The following VARS1 variants were observed in gnomAD, a reference collection of about 807,000 sequenced individuals.
VARS1 encodes valine--tRNA ligase.
VARS1 carries 92 observed loss-of-function variants against 161.0 expected under a neutral mutation model. The observed-to-expected ratio is 0.57, with a 90% CI of 0.48 to 0.68. The LOEUF (loss-of-function observed/expected upper bound fraction) is 0.68. Among genes scored for constraint, VARS1 ranks in the 30% least tolerant of loss-of-function variants. VARS1 has a pLI of 0.00. For synonymous variants in VARS1, 595 were observed against 682.5 expected (o/e 0.87, Z 2.00); for missense variants, 1,338 against 1,695.9 (o/e 0.79, Z 3.71).
chr6:31,795,404 C>T lies in VARS1; in HGVS notation c.-34+142G>A, dbSNP rs919696355. The T allele has an allele frequency of 1.1e-5, 5 of 443,286 alleles. No homozygotes were observed. The highest frequency in any genetic ancestry group is 1.9e-5 in the Non-Finnish European group (5 of 266,610). The allele number at this position is 443,286 out of a possible 1,614,324, so 27.5% of individuals were successfully genotyped here. On this transcript the variant is annotated intron_variant, in intron 1 of 29. Transcript: ENST00000375663. This position sits in a 1 kb window ranked among gnomAD's most constrained non-coding sequence, Gnocchi z 6.9. ...AGGCAGGCTGTCAGGAGCCGAGGACCTGGCTCTCAGAGGGGCAGTGTCAGT... is the reference window on the plus strand; with the variant it reads ...AGGCAGGCTGTCAGGAGCCGAGGACTTGGCTCTCAGAGGGGCAGTGTCAGT...
intron 8 of VARS1, among the ~76,000 whole-genome samples, chr6:31,790,941 G>A (rs901989264): frequency 6.6e-6 from 1 of 152,128 alleles, no homozygotes; most frequent in Admixed American, 6.6e-5. Flanking sequence ...AGTAGGTGTG[G>A]AGGGGGATGG....
In VARS1 at chr6:31,780,213, G is replaced by A. The variant is rs1441630522; in HGVS notation, c.2926-60C>T. 2 of 1,598,812 alleles carry A rather than the reference G, an allele frequency of 1.3e-6. No homozygotes were observed. Among genetic ancestry groups the A allele is most frequent in the South Asian group, 1.1e-5 (1 of 90,378 alleles). On this transcript the variant is annotated intron_variant, in intron 25 of 29. Transcript: ENST00000375663. The surrounding 1 kb of genome is among the most constrained non-coding windows in gnomAD (Gnocchi z 5.1). ...GGGGAGGGTGCCAGAACCCCATGGGGGCAGGAGTCATGGGCAAATCTTCAT... is the reference window on the plus strand; with the variant it reads ...GGGGAGGGTGCCAGAACCCCATGGGAGCAGGAGTCATGGGCAAATCTTCAT...
At chr6:31,786,699 A>C in intron 8 of VARS1, among the ~76,000 whole-genome samples, 1 of 150,098 alleles carries the variant, frequency 6.7e-6, no homozygotes. Flanking sequence ...AAAAGAACGA[A>C]GAGGAGGCTC....
rs1463928660 is a variant in VARS1, at chr6:31,779,811, A to G, written c.3085T>C (p.Cys1029Arg). 2 of 1,612,586 alleles carry G rather than the reference A, an allele frequency of 1.2e-6. No homozygotes were observed. ...LYELCDVYLE[C>R]LKPVLNGVDQ... The stretch of plus-strand genomic sequence containing the variant: ...ACCCCATTCAGTACAGGTTTCAGGC[A>G]CTCCTAGGGGACGAGAGGTACAGGG... The change falls in exon 27 of 30, where the codon TGC becomes CGC. Residue 1029 changes from cysteine to arginine, a missense_variant. Physicochemically the swap from Cys to Arg is radical, Grantham distance 180 (BLOSUM62 -3). Transcript: ENST00000375663. The surrounding 1 kb of genome is among the most constrained non-coding windows in gnomAD (Gnocchi z 9.1).
chr6:31,790,542 C>T (rs1040937388), intron 8 of VARS1, among the ~76,000 whole-genome samples: 5 of 120,018 alleles, frequency 4.2e-5, no homozygotes, highest in Non-Finnish European at 6.4e-5. Context: ...GTGGAGGTTG[C>T]GGTGAGCCGA....
At position 31,783,156 on chromosome 6, in the gene VARS1, A is replaced by T; in HGVS notation, c.1702T>A (p.Phe568Ile). 1.9e-6 allele frequency: 3 copies of T among 1,612,828 alleles called. No individual in the cohort carries two copies. The South Asian group carries it at 3.3e-5, about 18-fold the overall frequency. The change falls in exon 14 of 30, where the codon TTC (phenylalanine) becomes ATC (isoleucine). Residue 568 changes from phenylalanine (F) to isoleucine (I), a missense_variant. This residue lies in a region of VARS1 where 902 missense variants were observed against 1,090.3 expected (regional missense o/e 0.83). Coordinates refer to ENST00000375663, the MANE Select transcript of VARS1 (RefSeq NM_006295.3). ...ACAATGGGAAGGCTCCGAGACAGGA[A>T]TGGGTGGATCACGTTCTTCCCCTTC... ...HLKGKNVIHP[F>I]LSRSLPIVFD...
At position 31,784,069 on chromosome 6, in the gene VARS1, C is replaced by T. The variant is rs565480872; in HGVS notation, c.1671+145G>A. ...CCAAACAGTCCCCAATAGCTCTACC[C>T]TCAGAGCTGGGAAAGAAGCTGAAGA... On this transcript the variant is annotated intron_variant, in intron 13 of 29. Coordinates refer to ENST00000375663, the MANE Select transcript of VARS1 (RefSeq NM_006295.3). This position sits in a 1 kb window ranked among gnomAD's most constrained non-coding sequence, Gnocchi z 6.1. 1.7e-5 allele frequency: 15 copies of T among 896,592 alleles called. No homozygotes were observed. In the East Asian group the frequency reaches 2.9e-4, roughly 17 times the overall value. 55.5% of individuals were successfully genotyped at this position (896,592 alleles called of 1,614,324 possible).
rs1228621738 is a variant in VARS1 at position 31,779,247 on chromosome 6, G to A, written c.3446C>T (p.Ala1149Val). Reference sequence around the variant, plus strand: ...CAGGGCCTGCACGTAGCCCGACACCGCCGATGCCAGGGCGCCCGTGGCCTC... The same window carrying A: ...CAGGGCCTGCACGTAGCCCGACACCACCGATGCCAGGGCGCCCGTGGCCTC... ...ADEATGALAS[A>V]VSGYVQALAS... is the part of the protein sequence containing the mutation. The change falls in exon 29 of 30, where the codon GCG becomes GTG. Residue 1149 changes from alanine (A) to valine (V), a missense_variant. Physicochemically the swap from Ala to Val is moderately conservative, Grantham distance 64 (BLOSUM62 0). This residue lies in a region of VARS1 where 433 missense variants were observed against 586.2 expected (regional missense o/e 0.74). Transcript: ENST00000375663. The surrounding 1 kb of genome is among the most constrained non-coding windows in gnomAD (Gnocchi z 9.1). The A allele has an allele frequency of 5.6e-6, 9 of 1,605,076 alleles. No homozygotes were observed. Among genetic ancestry groups the A allele is most frequent in the Non-Finnish European group, 6.8e-6 (8 of 1,179,534 alleles).
In VARS1 at chr6:31,778,181, TA is replaced by T. The variant is rs1201389635; in HGVS notation, c.3727-520del. 1.3e-5 allele frequency: 2 copies of T among 158,730 alleles called. No individual in the cohort carries two copies. Among genetic ancestry groups the T allele is most frequent in the Non-Finnish European group, 2.8e-5 (2 of 71,886 alleles). The allele number at this position is 158,730 out of a possible 1,614,324, so 9.8% of individuals were successfully genotyped here. Reference sequence around the variant, plus strand: ...GACTGGCCTTCCAGGGTCAGCCCAGTAGGCTTGAAAGTAAGTGGTGGGAGGC... The same window carrying T: ...GACTGGCCTTCCAGGGTCAGCCCAGTGGCTTGAAAGTAAGTGGTGGGAGGC... On this transcript the variant is annotated intron_variant, in intron 29 of 29. Transcript: ENST00000375663. The surrounding 1 kb of genome is among the most constrained non-coding windows in gnomAD (Gnocchi z 5.1).
chr6:31,785,477 C>A lies in VARS1; in HGVS notation c.1265+92G>T. 6.6e-7 allele frequency: 1 copy of A among 1,524,990 alleles called. No homozygotes were observed. 94.5% of individuals were successfully genotyped at this position (1,524,990 alleles called of 1,614,324 possible). A position where few individuals can be genotyped will look rare whatever the true frequency, so the allele number is the denominator to read the frequency against. On this transcript the variant is annotated intron_variant, in intron 9 of 29. Transcript: ENST00000375663. The surrounding 1 kb of genome is among the most constrained non-coding windows in gnomAD (Gnocchi z 6.1). ...CTCTGCCTCTGTGGGAGGGTCTGAC[C>A]CTGTGGCCAAGGGGTTACAGGTGAC...
chr6:31,785,382 A>C lies in VARS1; in HGVS notation c.1266-55T>G. 1 of 1,607,016 alleles carries C rather than the reference A, an allele frequency of 6.2e-7. No homozygotes were observed. Among genetic ancestry groups the C allele is most frequent in the Non-Finnish European group, 8.5e-7 (1 of 1,175,660 alleles). ...CGTGCCTGGGCTAGAGGGAGACATC[A>C]GGTGGCTGACTGGGCAGTGTGGAGA... On this transcript the variant is annotated intron_variant, in intron 9 of 29. Transcript: ENST00000375663. This position sits in a 1 kb window ranked among gnomAD's most constrained non-coding sequence, Gnocchi z 6.1.
Position 31,777,784 on chromosome 6 carries a change from C to T in VARS1, c.3727-122G>A, listed in dbSNP as rs1026593931. On this transcript the variant is annotated intron_variant, in intron 29 of 29. Coordinates refer to ENST00000375663, the MANE Select transcript of VARS1 (RefSeq NM_006295.3). This position sits in a 1 kb window ranked among gnomAD's most constrained non-coding sequence, Gnocchi z 5.8. ...TGGGAGGTCAGTAGCTCAGAGGAGGCGTGAACCTGGCTGGCCTGGCTCCCC... is the reference window on the plus strand; with the variant it reads ...TGGGAGGTCAGTAGCTCAGAGGAGGTGTGAACCTGGCTGGCCTGGCTCCCC... 14 of 1,185,420 alleles carry T rather than the reference C, an allele frequency of 1.2e-5. No individual in the cohort carries two copies. Among genetic ancestry groups the T allele is most frequent in the East Asian group, 2.6e-5 (1 of 38,950 alleles). 73.4% of individuals were successfully genotyped at this position (1,185,420 alleles called of 1,614,324 possible). A position where few individuals can be genotyped will look rare whatever the true frequency, so the allele number is the denominator to read the frequency against.
In VARS1 at chr6:31,795,113, T is replaced by C; in HGVS notation, c.105A>G (p.Gly35=). The C allele has an allele frequency of 6.7e-7, 1 of 1,482,284 alleles. No individual in the cohort carries two copies. The highest frequency in any genetic ancestry group is 9.0e-7 in the Non-Finnish European group (1 of 1,114,526). 91.8% of individuals were successfully genotyped at this position (1,482,284 alleles called of 1,614,324 possible). ...GEAGEGPGWG[G]AHPRICLQPP... ...GCTGGAGACAGATGCGGGGGTGGGC[T>C]CCTCCCCATCCGGGACCCTCCCCAG... The change falls in exon 2 of 30, where the codon GGA becomes GGG. Residue 35 remains glycine, a synonymous_variant. Transcript: ENST00000375663. This position sits in a 1 kb window ranked among gnomAD's most constrained non-coding sequence, Gnocchi z 6.9.
intron 8 of VARS1, among the ~76,000 whole-genome samples, chr6:31,787,955 A>G (rs1013738315): frequency 2.0e-5 from 3 of 151,646 alleles, no homozygotes; most frequent in Non-Finnish European, 2.9e-5. Flanking sequence ...CGTCTCTACT[A>G]AAAATACAAA....
chr6:31,781,901 C>T lies in VARS1; in HGVS notation c.2293G>A (p.Glu765Lys). Reference sequence around the variant, plus strand: ...ACTCCGAACTCCTTGGCTGCCTTCTCCCGGGCCTCCGCCTCATTGCGTCCA... The same window carrying T: ...ACTCCGAACTCCTTGGCTGCCTTCTTCCGGGCCTCCGCCTCATTGCGTCCA... ...VSGRNEAEAREKAAKEFGVSP... is the reference protein window; with the variant it reads ...VSGRNEAEARKKAAKEFGVSP... The change falls in exon 19 of 30, where the codon GAG (glutamate) becomes AAG (lysine). Residue 765 changes from glutamate (E) to lysine (K), a missense_variant. Physicochemically the swap from Glu to Lys is moderately conservative, Grantham distance 56 (BLOSUM62 1). Transcript: ENST00000375663. The surrounding 1 kb of genome is among the most constrained non-coding windows in gnomAD (Gnocchi z 6.8). The T allele has an allele frequency of 1.2e-6, 2 of 1,612,964 alleles. No individual in the cohort carries two copies. Among genetic ancestry groups the T allele is most frequent in the Non-Finnish European group, 1.7e-6 (2 of 1,180,026 alleles).
chr6:31,791,953 G>GGCAT lies in VARS1; in HGVS notation c.886_889dup (p.Pro297HisfsTer32). 1 of 1,596,464 alleles carries GGCAT rather than the reference G, an allele frequency of 6.3e-7. No individual in the cohort carries two copies. On this transcript the variant is annotated frameshift_variant, in exon 7 of 30. Transcript: ENST00000375663. LOFTEE classifies it high-confidence loss of function. This position sits in a 1 kb window ranked among gnomAD's most constrained non-coding sequence, Gnocchi z 5.0. ...CACATACCGAGGGCTGTAGGAGTCGGGCATGGGGCCACTGACATCTGGGGG... is the reference window on the plus strand; with the variant it reads ...CACATACCGAGGGCTGTAGGAGTCGGGCATGCATGGGGCCACTGACATCTGGGGG...
rs202191215 is a variant in VARS1 at position 31,782,297 on chromosome 6, A to G, written c.2138T>C (p.Met713Thr). ...EAHQRTWHAW[M>T]DNIREWCISR... The stretch of plus-strand genomic sequence containing the variant: ...GGACCCTACACACCGGATGTTGTCC[A>G]TCCAGGCATGCCATGTGCGCTGATG... Residue 713 changes from methionine (M) to threonine (T), a missense_variant, in exon 17 of 30, where the codon ATG becomes ACG. By Grantham distance (81) the Met-to-Thr change is moderately conservative. Around this residue, in one of 3 missense-constraint regions of VARS1, gnomAD observed 902 missense variants for 1,090.3 expected, o/e 0.83. Coordinates refer to ENST00000375663, the MANE Select transcript of VARS1 (RefSeq NM_006295.3). This position sits in a 1 kb window ranked among gnomAD's most constrained non-coding sequence, Gnocchi z 8.3. 11 of 1,612,790 alleles carry G rather than the reference A, an allele frequency of 6.8e-6. No homozygotes were observed. Among genetic ancestry groups the G allele is most frequent in the South Asian group, 1.1e-5 (1 of 91,040 alleles).
intron 13 of VARS1, among the ~76,000 whole-genome samples, chr6:31,783,500 ACCCTCTCT>A (rs1813297113): frequency 2.9e-4 from 44 of 151,798 alleles, no homozygotes; most frequent in Admixed American, 2.9e-3. Flanking sequence ...ATAGAGTGAG[ACCCTCTCT>A]CAAAAATAAA....
At chr6:31,783,381 G>A (rs1002612080) in intron 13 of VARS1, 195 bp from the exon 14 acceptor site, 18 of 599,404 alleles carry the variant, frequency 3.0e-5, no homozygotes, top group South Asian at 1.4e-4. Context: ...GTGGTGACGC[G>A]TGCCTGTAAT....
Sources: gnomAD v4.1 joint callset for allele counts (sites outside exome capture counted in the v4.1 genomes callset) on GRCh38, gnomAD v4.1.1 for gene constraint, gnomAD v4.1.1 regional missense constraint, Gnocchi (gnomAD v3.1) non-coding constraint, MANE v1.5 for transcripts, NCBI Gene and HGNC (gene_info 2026-07-23, HGNC 2026-07-21) for gene names.